CWC27: variants seen among roughly 807,000 people sequenced by gnomAD.
CWC27 encodes the protein spliceosome-associated protein CWC27 homolog.
CWC27 carries 47 observed loss-of-function variants against 63.6 expected under a neutral mutation model. The ratio of observed to expected loss-of-function variants is 0.74; its 90% CI spans 0.58 to 0.94. The LOEUF (loss-of-function observed/expected upper bound fraction) is 0.94, where lower values mean the gene tolerates loss of function less well. Ranked by LOEUF, CWC27 falls within the 40% of genes least tolerant of loss-of-function variation. The pLI, the probability that CWC27 is intolerant of heterozygous loss-of-function variation, is 0.00. For synonymous variants in CWC27, 175 were observed against 179.8 expected, an observed-to-expected ratio of 0.97 and a Z score of 0.22; for missense variants, 495 against 554.3, an observed-to-expected ratio of 0.89 and a Z score of 1.07.
intron 13 of CWC27, among the ~76,000 whole-genome samples, chr5:65,010,089 A>T (rs533372194): frequency 6.6e-6 from 1 of 152,310 alleles, no homozygotes; most frequent in South Asian, 2.1e-4. Context: ...CTGAGTGCAT[A>T]CCACAGAGGT....
chr5:64,834,537 C>T (rs1745609265), intron 10 of CWC27, among the ~76,000 whole-genome samples: 1 of 151,720 alleles, frequency 6.6e-6, no homozygotes, highest in Non-Finnish European at 1.5e-5. Flanking sequence ...GATAATCACT[C>T]TTGTTAGTTT....
intron 13 of CWC27, among the ~76,000 whole-genome samples, chr5:65,000,198 T>C (rs1419250127): frequency 6.6e-6 from 1 of 152,086 alleles, no homozygotes. Flanking sequence ...TTTTTTGCTT[T>C]TAAGCTGTGT....
At chr5:64,912,130 A>G (rs2112379885) in intron 11 of CWC27, among the ~76,000 whole-genome samples, 1 of 152,078 alleles carries the variant, frequency 6.6e-6, no homozygotes, top group South Asian at 2.1e-4. Context: ...GTATAGGTAT[A>G]TAGCTTCAAA....
intron 11 of CWC27, among the ~76,000 whole-genome samples, chr5:64,887,646 AT>A (rs577653365): frequency 1.2e-3 from 185 of 152,282 alleles, no homozygotes; most frequent in African/African-American, 4.4e-3. Flanking sequence ...TCTGACACAC[AT>A]TCAAGGATTC....
intron 11 of CWC27, 144 bp from the exon 12 acceptor site, chr5:64,971,559 G>A: frequency 1.8e-6 from 1 of 544,716 alleles, no homozygotes; most frequent in East Asian, 3.2e-5. Flanking sequence ...AGCTGGTGGG[G>A]CTTACAGGTT....
intron 10 of CWC27, among the ~76,000 whole-genome samples, chr5:64,832,561 A>G (rs929838398): frequency 1.3e-5 from 2 of 151,864 alleles, no homozygotes; most frequent in South Asian, 2.1e-4. Context: ...CTTCAAAACA[A>G]CTATCATACT....
intron 10 of CWC27, among the ~76,000 whole-genome samples, chr5:64,883,025 C>T (rs1239592607): frequency 2.0e-5 from 3 of 152,218 alleles, no homozygotes; most frequent in Non-Finnish European, 2.9e-5. Context: ...AATTGACTCA[C>T]AGTTCTGCAT....
intron 7 of CWC27, among the ~76,000 whole-genome samples, chr5:64,790,645 A>C (rs924768266): frequency 1.3e-5 from 2 of 151,986 alleles, no homozygotes; most frequent in African/African-American, 2.4e-5. Flanking sequence ...TAGGTCTACT[A>C]TCACCTTCTA....
intron 11 of CWC27, among the ~76,000 whole-genome samples, chr5:64,960,336 T>C (rs1307574456): frequency 6.6e-6 from 1 of 152,172 alleles, no homozygotes; most frequent in East Asian, 1.9e-4. Flanking sequence ...TATTTAACCT[T>C]TTCCTGCTTT....
intron 7 of CWC27, among the ~76,000 whole-genome samples, chr5:64,789,248 G>T (rs1743992461): frequency 6.6e-6 from 1 of 151,934 alleles, no homozygotes; most frequent in Non-Finnish European, 1.5e-5. Flanking sequence ...GTTTGAACTA[G>T]ACTTGCAGTT....
chr5:64,805,781 GTACCTTTCA>G (rs1561415495), intron 10 of CWC27, among the ~76,000 whole-genome samples: 2 of 151,992 alleles, frequency 1.3e-5, no homozygotes, highest in Non-Finnish European at 2.9e-5. Context: ...CATTTTTAAT[GTACCTTTCA>G]TAAGTGTCTT....
chr5:64,859,122 C>G (rs930704329), intron 10 of CWC27, among the ~76,000 whole-genome samples: 2 of 152,102 alleles, frequency 1.3e-5, no homozygotes, highest in African/African-American at 4.8e-5. Context: ...TTCTGTGAAT[C>G]TCAAAAATAC....
intron 11 of CWC27, among the ~76,000 whole-genome samples, chr5:64,926,794 C>T (rs1236540856): frequency 1.3e-5 from 2 of 152,126 alleles, no homozygotes; most frequent in African/African-American, 2.4e-5. Context: ...AACTTTCCTA[C>T]TATGAGCAGG....
At chr5:64,884,908 T>G (rs1747029809) in intron 10 of CWC27, among the ~76,000 whole-genome samples, 1 of 151,834 alleles carries the variant, frequency 6.6e-6, no homozygotes, top group South Asian at 2.1e-4. Context: ...TAAAAGGAAA[T>G]GTATATGCCA....
intron 11 of CWC27, among the ~76,000 whole-genome samples, chr5:64,967,326 C>T (rs1206497218): frequency 1.3e-5 from 2 of 151,968 alleles, no homozygotes; most frequent in African/African-American, 4.8e-5. Context: ...TTGATAGATT[C>T]ACTATTGTTA....
intron 11 of CWC27, among the ~76,000 whole-genome samples, chr5:64,953,867 A>G (rs1748755152): frequency 6.6e-6 from 1 of 152,144 alleles, no homozygotes; most frequent in Non-Finnish European, 1.5e-5. Flanking sequence ...GCACTTGATG[A>G]TCACAGTTTT....
At position 65,011,837 on chromosome 5, in the gene CWC27, C is replaced by G. The variant is rs150950883; in HGVS notation, c.1257-6322C>G. On this transcript the variant is annotated intron_variant, in intron 13 of 13. Transcript: ENST00000381070. The stretch of plus-strand genomic sequence containing the variant: ...GGTTCTGCTCCTTTTGGACTTCCAG[C>G]TGAATGAGGTGTCCCTGCTTAGCAT... Among the ~76,000 whole-genome samples the G allele has an allele frequency of 1.5e-3, 227 of 152,284 alleles. 1 individual carries two copies. Among genetic ancestry groups the G allele is most frequent in the Non-Finnish European group, 2.7e-3 (181 of 68,020 alleles).
At chr5:64,873,783 A>G (rs948045586) in intron 10 of CWC27, among the ~76,000 whole-genome samples, 1 of 152,036 alleles carries the variant, frequency 6.6e-6, no homozygotes, top group Non-Finnish European at 1.5e-5. Flanking sequence ...TGTTTTCTCT[A>G]TGTTTTCTTT....
chr5:64,847,937 AACAACTTAATGTT>A (rs1363113954), intron 10 of CWC27, among the ~76,000 whole-genome samples: 1 of 152,098 alleles, frequency 6.6e-6, no homozygotes, highest in Non-Finnish European at 1.5e-5. Context: ...AAAGATCTCA[AACAACTTAATGTT>A]ACAACTCAAG....
Sources: gnomAD v4.1 joint callset for allele counts (sites outside exome capture counted in the v4.1 genomes callset) on GRCh38, gnomAD v4.1.1 for gene constraint, MANE v1.5 for transcripts, NCBI Gene and HGNC (gene_info 2026-07-23, HGNC 2026-07-21) for gene names.